Variants in RRP15 observed in about 807,000 individuals in gnomAD.
RRP15 encodes ribosomal RNA processing 15 homolog, also known as RRP15-like protein.
RRP15 carries 18 observed loss-of-function variants against 27.1 expected under a neutral mutation model. The observed-to-expected ratio is 0.66, with a 90% CI of 0.46 to 0.98. RRP15 has a LOEUF of 0.98. RRP15 is among the 50% of genes least tolerant of loss of function. RRP15 has a pLI of 0.00. For missense variants in RRP15, 359 were observed against 337.8 expected (o/e 1.06, Z -0.49); for synonymous variants, 107 against 109.4 (o/e 0.98, Z 0.14).
intron 4 of RRP15, among the ~76,000 whole-genome samples, chr1:218,322,361 T>C (rs549836919): frequency 1.3e-5 from 2 of 152,194 alleles, no homozygotes; most frequent in South Asian, 4.1e-4. Context: ...AGTATACTTA[T>C]TGTGTTTGAC....
rs1656364806 is a variant in RRP15, at chr1:218,331,280, A to C, written c.*189A>C. 1 of 441,128 alleles carries C rather than the reference A, an allele frequency of 2.3e-6. No homozygotes were observed. Among genetic ancestry groups the C allele is most frequent in the Admixed American group, 3.9e-5 (1 of 25,878 alleles). 27.3% of individuals were successfully genotyped at this position (441,128 alleles called of 1,614,324 possible). A position where few individuals can be genotyped will look rare whatever the true frequency, so the allele number is the denominator to read the frequency against. On this transcript the variant is annotated 3_prime_UTR_variant, in exon 5 of 5. Transcript: ENST00000366932. ...AAAATTATATTTTAAACCCTTGTAT[A>C]ATTTTAAGCATTGTTCCTCAGAACA...
chr1:218,296,247 A>G (rs188061745), intron 1 of RRP15, among the ~76,000 whole-genome samples: 2 of 152,342 alleles, frequency 1.3e-5, no homozygotes, highest in Admixed American at 6.5e-5. Flanking sequence ...GTAGTGTCTC[A>G]CAAGTTGACA....
chr1:218,313,973 T>TTTTAG (rs1336498398), intron 4 of RRP15, among the ~76,000 whole-genome samples: 2 of 43,052 alleles, frequency 4.6e-5, no homozygotes, highest in East Asian at 8.4e-4. Flanking sequence ...CCCGAGTGAT[T>TTTTAG]TTTATTTTAT....
At position 218,334,065 on chromosome 1, in the gene RRP15, G is replaced by C. The variant is rs1405408383; in HGVS notation, c.*2974G>C. 4 of 152,040 alleles carry C rather than the reference G, an allele frequency of 2.6e-5. No homozygotes were observed. Among genetic ancestry groups the C allele is most frequent in the African/African-American group, 9.7e-5 (4 of 41,378 alleles). 9.4% of individuals were successfully genotyped at this position (152,040 alleles called of 1,614,324 possible). ...TGGATGGCTGGGGTTGATGTTCTTA[G>C]TATTTATCATAGTTTAGCATTGGTT... On this transcript the variant is annotated 3_prime_UTR_variant, in exon 5 of 5. Coordinates refer to ENST00000366932, the MANE Select transcript of RRP15 (RefSeq NM_016052.4).
At chr1:218,323,491 G>A (rs1656220736) in intron 4 of RRP15, among the ~76,000 whole-genome samples, 2 of 152,146 alleles carry the variant, frequency 1.3e-5, no homozygotes, top group Non-Finnish European at 2.9e-5. Context: ...ATGGGCTACC[G>A]TGGATGGGCC....
rs1278245234 is a variant in RRP15, at chr1:218,334,045, G to A, written c.*2954G>A. The A allele has an allele frequency of 6.6e-6, 1 of 152,022 alleles. No homozygotes were observed. Among genetic ancestry groups the A allele is most frequent in the African/African-American group, 2.4e-5 (1 of 41,368 alleles). 9.4% of individuals were successfully genotyped at this position (152,022 alleles called of 1,614,324 possible). A position where few individuals can be genotyped will look rare whatever the true frequency, so the allele number is the denominator to read the frequency against. ...TATAGAATATTCTAGATACTTGGAT[G>A]GCTGGGGTTGATGTTCTTAGTATTT... On this transcript the variant is annotated 3_prime_UTR_variant, in exon 5 of 5. Transcript: ENST00000366932.
intron 4 of RRP15, among the ~76,000 whole-genome samples, chr1:218,328,207 T>C (rs6678431): frequency 0.15 from 22,681 of 152,238 alleles, 4,107 homozygotes; most frequent in African/African-American, 0.43. Flanking sequence ...GACAATTGAG[T>C]AAAACGTTGT....
At chr1:218,326,857 A>G (rs1656282016) in intron 4 of RRP15, among the ~76,000 whole-genome samples, 2 of 152,214 alleles carry the variant, frequency 1.3e-5, no homozygotes, top group African/African-American at 2.4e-5. Flanking sequence ...GGGATGGGGA[A>G]GTAGAGCACT....
chr1:218,294,972 A>G (rs1005574536), intron 1 of RRP15, among the ~76,000 whole-genome samples: 1 of 152,174 alleles, frequency 6.6e-6, no homozygotes, highest in African/African-American at 2.4e-5. Context: ...GTAATATATA[A>G]ATGACAAGTG....
In RRP15 at chr1:218,305,063, A is replaced by G. The variant is rs755529942; in HGVS notation, c.441A>G (p.Arg147=). The G allele has an allele frequency of 6.1e-5, 99 of 1,613,830 alleles. No individual in the cohort carries two copies. The highest frequency in any genetic ancestry group is 8.0e-5 in the Non-Finnish European group (94 of 1,179,868). ...GGCTGGAGTGGGAAATGATGTGCAG[A>G]GTAAAGCCAGATGTTGTCCAAGACA... ...DKRLEWEMMC[R]VKPDVVQDKE... The change falls in exon 3 of 5, where the codon AGA becomes AGG. Residue 147 remains arginine (R), a synonymous_variant. Coordinates refer to ENST00000366932, the MANE Select transcript of RRP15 (RefSeq NM_016052.4).
intron 1 of RRP15, among the ~76,000 whole-genome samples, chr1:218,295,178 G>T (rs989202228): frequency 6.6e-6 from 1 of 152,118 alleles, no homozygotes; most frequent in Non-Finnish European, 1.5e-5. Flanking sequence ...AATAACAGTG[G>T]TTGATGATAT....
At chr1:218,314,708 T>G (rs532952862) in intron 4 of RRP15, among the ~76,000 whole-genome samples, 7 of 152,194 alleles carry the variant, frequency 4.6e-5, no homozygotes, top group Admixed American at 1.3e-4. Flanking sequence ...AAAATGATTT[T>G]TTGGCGGGAC....
At chr1:218,304,722 C>T (rs1655868878) in intron 2 of RRP15, among the ~76,000 whole-genome samples, 1 of 152,148 alleles carries the variant, frequency 6.6e-6, no homozygotes, top group Non-Finnish European at 1.5e-5. Context: ...CTGGTGATGG[C>T]AGAGCAGGCA....
intron 1 of RRP15, among the ~76,000 whole-genome samples, chr1:218,287,338 T>C (rs977793951): frequency 6.6e-6 from 1 of 152,116 alleles, no homozygotes; most frequent in African/African-American, 2.4e-5. Flanking sequence ...GTTCTGACTT[T>C]TCAGCGTATT....
Position 218,332,110 on chromosome 1 carries a change from A to G in RRP15, c.*1019A>G, listed in dbSNP as rs900463791. 6.7e-6 allele frequency: 1 copy of G among 150,134 alleles called. No homozygotes were observed. The highest frequency in any genetic ancestry group is 6.6e-5 in the Admixed American group (1 of 15,234). 9.3% of individuals were successfully genotyped at this position (150,134 alleles called of 1,614,324 possible). ...GAAATTCTCATGCTTAACTTATGCA[A>G]TGAGACAATTTCTCAGGAAGCAAGT... On this transcript the variant is annotated 3_prime_UTR_variant, in exon 5 of 5. Coordinates refer to ENST00000366932, the MANE Select transcript of RRP15 (RefSeq NM_016052.4).
At chr1:218,307,901 T>C (rs1289413586) in intron 4 of RRP15, among the ~76,000 whole-genome samples, 1 of 152,096 alleles carries the variant, frequency 6.6e-6, no homozygotes, top group Non-Finnish European at 1.5e-5. Flanking sequence ...ACTTACAAAA[T>C]ATGAAGAGTC....
Position 218,290,584 on chromosome 1 carries a change from C to G in RRP15, c.139+5129C>G, listed in dbSNP as rs921732278. 2.6e-5 allele frequency among the ~76,000 whole-genome samples: 4 copies of G among 152,212 alleles called. No individual in the cohort carries two copies. In the East Asian group the frequency reaches 7.7e-4, roughly 29 times the overall value. Reference sequence around the variant, plus strand: ...TTAGGCTCAAGCCATCCTCCCACCTCAGCCTCTGGATTAGCTGGGACTATA... The same window carrying G: ...TTAGGCTCAAGCCATCCTCCCACCTGAGCCTCTGGATTAGCTGGGACTATA... On this transcript the variant is annotated intron_variant, in intron 1 of 4. Coordinates refer to ENST00000366932, the MANE Select transcript of RRP15 (RefSeq NM_016052.4).
intron 4 of RRP15, among the ~76,000 whole-genome samples, chr1:218,315,947 A>C (rs575283960): frequency 5.9e-5 from 9 of 152,220 alleles, no homozygotes; most frequent in African/African-American, 1.7e-4. Flanking sequence ...AAAATGCCTA[A>C]ATAGAGCTTA....
intron 4 of RRP15, among the ~76,000 whole-genome samples, chr1:218,314,688 T>C (rs1656052262): frequency 6.6e-6 from 1 of 151,902 alleles, no homozygotes; most frequent in African/African-American, 2.4e-5. Flanking sequence ...TGCTAGCTGG[T>C]TTCTGTTAGA....
Sources: gnomAD v4.1 joint callset for allele counts (sites outside exome capture counted in the v4.1 genomes callset) on GRCh38, gnomAD v4.1.1 for gene constraint, MANE v1.5 for transcripts, NCBI Gene and HGNC (gene_info 2026-07-23, HGNC 2026-07-21) for gene names.